Variants in FOXM1 observed in about 807,000 individuals in gnomAD.
FOXM1 encodes the protein forkhead box protein M1.
Under a neutral mutation model 63.6 loss-of-function variants are expected in FOXM1, and 25 were observed. The ratio of observed to expected loss-of-function variants is 0.39; its 90% CI spans 0.29 to 0.55. The LOEUF is 0.55. Among genes scored for constraint, FOXM1 ranks in the 20% least tolerant of loss-of-function variants. The pLI is 0.60. For missense variants in FOXM1, 879 were observed against 958.7 expected, an observed-to-expected ratio of 0.92 and a Z score of 1.10; for synonymous variants, 387 against 376.9, an observed-to-expected ratio of 1.03 and a Z score of -0.31.
In FOXM1 at chr12:2,859,440, T is replaced by C. The variant is rs1237999587; in HGVS notation, c.1490A>G (p.Glu497Gly). 1.2e-6 allele frequency: 2 copies of C among 1,614,038 alleles called. No homozygotes were observed. The highest frequency in any genetic ancestry group is 1.7e-6 in the Non-Finnish European group (2 of 1,180,008). ...WPSPAPSFKEESSHSWEDSSQ... is the reference protein window; with the variant it reads ...WPSPAPSFKEGSSHSWEDSSQ... ...CGAATCCTCCCAGGAGTGAGATGAT[T>C]CCTCTTTGAAAGATGGGGCCGGGGA... is the stretch of plus-strand genomic sequence containing the variant. Residue 497 changes from glutamate to glycine, a missense_variant, in exon 9 of 9, where the codon GAA becomes GGA. Physicochemically the swap from Glu to Gly is moderately conservative, Grantham distance 98. This residue lies in a region of FOXM1 where 486 missense variants were observed against 453.5 expected (regional missense o/e 1.07). Coordinates refer to ENST00000359843, the MANE Select transcript of FOXM1 (RefSeq NM_021953.4).
At chr12:2,869,629 G>C (rs1254332001) in intron 3 of FOXM1, among the ~76,000 whole-genome samples, 1 of 151,912 alleles carries the variant, frequency 6.6e-6, no homozygotes, top group African/African-American at 2.4e-5. Context: ...GTAGAGATGG[G>C]GTTTACCATA....
chr12:2,864,268 C>T lies in FOXM1; in HGVS notation c.1266+52G>A, dbSNP rs374114424. 1.1e-5 allele frequency: 17 copies of T among 1,510,344 alleles called. No individual in the cohort carries two copies. The African/African-American group carries it at 2.2e-4, about 20-fold the overall frequency. 93.6% of individuals were successfully genotyped at this position (1,510,344 alleles called of 1,614,324 possible). On this transcript the variant is annotated intron_variant, in intron 8 of 8. Coordinates refer to ENST00000359843, the MANE Select transcript of FOXM1 (RefSeq NM_021953.4). The surrounding 1 kb of genome is among the most constrained non-coding windows in gnomAD (Gnocchi z 5.1). Reference sequence around the variant, plus strand: ...CAGAGTGCTTTGCAAGCTGAAGGTCCAACATTCTTAATTGGCCAGAATCTC... The same window carrying T: ...CAGAGTGCTTTGCAAGCTGAAGGTCTAACATTCTTAATTGGCCAGAATCTC...
chr12:2,868,363 C>T lies in FOXM1; in HGVS notation c.846+200G>A, dbSNP rs374898822. 126 of 462,382 alleles carry T rather than the reference C, an allele frequency of 2.7e-4. 2 individuals are homozygous for T. In the South Asian group the frequency reaches 5.1e-3, roughly 19 times the overall value. The allele number at this position is 462,382 out of a possible 1,614,324, so 28.6% of individuals were successfully genotyped here. On this transcript the variant is annotated intron_variant, in intron 4 of 8. Coordinates refer to ENST00000359843, the MANE Select transcript of FOXM1 (RefSeq NM_021953.4). ...ACCCTCCATGGACTTTAGGTAGTAA[C>T]ACATGAAGTAGTTAAGGAGCTCTTC...
chr12:2,858,530 G>A lies in FOXM1; in HGVS notation c.*108C>T. On this transcript the variant is annotated 3_prime_UTR_variant, in exon 9 of 9. Transcript: ENST00000359843. ...TAATCAGGCAGCAGGGAGCTATGAG[G>A]AGCAGAACAGTCCCTGCCTGCTGTC... 7.5e-6 allele frequency: 7 copies of A among 928,528 alleles called. No individual in the cohort carries two copies. The highest frequency in any genetic ancestry group is 1.1e-5 in the Non-Finnish European group (7 of 623,664). 57.5% of individuals were successfully genotyped at this position (928,528 alleles called of 1,614,324 possible). A position where few individuals can be genotyped will look rare whatever the true frequency, so the allele number is the denominator to read the frequency against.
intron 5 of FOXM1, 117 bp from the exon 6 acceptor site, chr12:2,865,516 C>T (rs2098121552): frequency 1.1e-5 from 8 of 733,488 alleles, no homozygotes; most frequent in Non-Finnish European, 1.8e-5. Context: ...ACACCCCAGA[C>T]AACTGCCCCT....
Position 2,864,419 on chromosome 12 carries a change from C to T in FOXM1, c.1167G>A (p.Leu389=). ...VPIQFPVNQS[L]VLQPSVKVPL... ...GCACCTTCACCGAGGGCTGCAACAC[C>T]AGTGACTGGTTCACCGGGAACTGGA... The change falls in exon 8 of 9, where the codon CTG becomes CTA. Residue 389 remains leucine, a synonymous_variant. Transcript: ENST00000359843. This position sits in a 1 kb window ranked among gnomAD's most constrained non-coding sequence, Gnocchi z 5.1. The T allele has an allele frequency of 6.2e-7, 1 of 1,614,186 alleles. No homozygotes were observed. The highest frequency in any genetic ancestry group is 8.5e-7 in the Non-Finnish European group (1 of 1,180,012).
chr12:2,858,976 C>T lies in FOXM1; in HGVS notation c.1954G>A (p.Asp652Asn). 1 of 1,613,444 alleles carries T rather than the reference C, an allele frequency of 6.2e-7. No homozygotes were observed. The highest frequency in any genetic ancestry group is 8.5e-7 in the Non-Finnish European group (1 of 1,179,880). ...TSQGASDPLPDPLGLMDLSTT... is the reference protein window; with the variant it reads ...TSQGASDPLPNPLGLMDLSTT... ...CTGAGATCCATCAGCCCCAGGGGGT[C>T]AGGCAAGGGGTCAGAGGCACCCTGG... The change falls in exon 9 of 9, where the codon GAC (aspartate) becomes AAC (asparagine). Residue 652 changes from aspartate to asparagine, a missense_variant. By Grantham distance (23) the Asp-to-Asn change is conservative. Around this residue, in one of 4 missense-constraint regions of FOXM1, gnomAD observed 486 missense variants for 453.5 expected, o/e 1.07. Coordinates refer to ENST00000359843, the MANE Select transcript of FOXM1 (RefSeq NM_021953.4).
Position 2,863,223 on chromosome 12 carries a change from C to T in FOXM1, c.1266+1097G>A, listed in dbSNP as rs114104615. ...TCAGTGCACAGGACAGTCCCTCCCA[C>T]GCCCAACAAAGAATTCTCCAGCTGT... On this transcript the variant is annotated intron_variant, in intron 8 of 8. Transcript: ENST00000359843. Among the ~76,000 whole-genome samples the T allele has an allele frequency of 4.7e-3, 719 of 152,276 alleles. 4 individuals carry two copies. Among genetic ancestry groups the T allele is most frequent in the African/African-American group, 0.016 (680 of 41,536 alleles).
chr12:2,869,874 G>A (rs915450877), intron 3 of FOXM1, among the ~76,000 whole-genome samples: 4 of 150,088 alleles, frequency 2.7e-5, no homozygotes, highest in South Asian at 2.1e-4. Flanking sequence ...ATTGTCAGCC[G>A]CTATGCCCGG....
rs757604635 is a variant in FOXM1, at chr12:2,865,414, G to A, written c.976-15C>T. On this transcript the variant is annotated splice_polypyrimidine_tract_variant and intron_variant, in intron 5 of 8. Coordinates refer to ENST00000359843, the MANE Select transcript of FOXM1 (RefSeq NM_021953.4). ...GGGTCCAGTGGCTGGTGGCGGCCAG[G>A]CATTGTGGGAGAGAAATGAGATGAA... 3.1e-6 allele frequency: 5 copies of A among 1,607,850 alleles called. No individual in the cohort carries two copies. Among genetic ancestry groups the A allele is most frequent in the East Asian group, 2.2e-5 (1 of 44,534 alleles).
intron 3 of FOXM1, among the ~76,000 whole-genome samples, chr12:2,870,000 T>C (rs2098130213): frequency 6.6e-6 from 1 of 152,042 alleles, no homozygotes; most frequent in South Asian, 2.1e-4. Context: ...CACTTTTTTT[T>C]TTTTTTTGAG....
Position 2,865,378 on chromosome 12 carries a change from G to A in FOXM1, c.997C>T (p.Gln333Ter). 1 of 1,611,114 alleles carries A rather than the reference G, an allele frequency of 6.2e-7. No individual in the cohort carries two copies. Among genetic ancestry groups the A allele is most frequent in the Non-Finnish European group, 8.5e-7 (1 of 1,178,276 alleles). Residue 333 changes from glutamine (Q) to a stop codon, truncating the protein, a stop_gained, in exon 6 of 9, where the codon CAA (glutamine) becomes TAA (stop). Coordinates refer to ENST00000359843, the MANE Select transcript of FOXM1 (RefSeq NM_021953.4). LOFTEE classifies it high-confidence loss of function. ...ACTGATTCCAAGTGCTCGGGCAATT[G>A]TGGAGACCCTGGGTCCAGTGGCTGG... ...VFKPLDPGSP[Q>*]LPEHLESQQK... is the part of the protein sequence containing the mutation.
Position 2,858,948 on chromosome 12 carries a change from G to T in FOXM1, c.1982C>A (p.Thr661Asn). The change falls in exon 9 of 9, where the codon ACC becomes AAC. Residue 661 changes from threonine (T) to asparagine (N), a missense_variant. By Grantham distance (65) the Thr-to-Asn change is moderately conservative (BLOSUM62 0). This residue lies in a region of FOXM1 where 486 missense variants were observed against 453.5 expected (regional missense o/e 1.07). Transcript: ENST00000359843. ...PDPLGLMDLS[T>N]TPLQSAPPLE... Reference sequence around the variant, plus strand: ...GGGGGGAGCACTTTGCAAGGGAGTGGTGCTGAGATCCATCAGCCCCAGGGG... The same window carrying T: ...GGGGGGAGCACTTTGCAAGGGAGTGTTGCTGAGATCCATCAGCCCCAGGGG... The T allele has an allele frequency of 6.2e-7, 1 of 1,613,644 alleles. No individual in the cohort carries two copies. The highest frequency in any genetic ancestry group is 1.7e-5 in the Admixed American group (1 of 60,004).
Position 2,868,692 on chromosome 12 carries a change from G to A in FOXM1, c.717C>T (p.Tyr239=). Residue 239 remains tyrosine (Y), a synonymous_variant, in exon 4 of 9, where the codon TAC becomes TAT. Transcript: ENST00000359843. ...WQNSVSERPP[Y]SYMAMIQFAI... ...CGAATTGTATCATGGCCATGTAAGAGTAGGGTGGCCGCTCAGACACAGAGT... is the reference window on the plus strand; with the variant it reads ...CGAATTGTATCATGGCCATGTAAGAATAGGGTGGCCGCTCAGACACAGAGT... The A allele has an allele frequency of 1.2e-6, 2 of 1,613,962 alleles. No individual in the cohort carries two copies. The highest frequency in any genetic ancestry group is 8.5e-7 in the Non-Finnish European group (1 of 1,179,940).
rs571964066 is a variant in FOXM1, at chr12:2,875,617, C to T, written c.-47-1092G>A. On this transcript the variant is annotated intron_variant, in intron 1 of 8. Transcript: ENST00000359843. ...TTATATATATTTTAACTAAGCATGC[C>T]ACTTTATTAATTTCTTTTCCAGAAA... 9.5e-4 allele frequency among the ~76,000 whole-genome samples: 145 copies of T among 152,132 alleles called. 1 individual carries two copies. The highest frequency in any genetic ancestry group is 8.0e-3 in the Admixed American group (123 of 15,286).
chr12:2,872,354 A>G lies in FOXM1; in HGVS notation c.503-107T>C, dbSNP rs575180349. On this transcript the variant is annotated intron_variant, in intron 2 of 8. Coordinates refer to ENST00000359843, the MANE Select transcript of FOXM1 (RefSeq NM_021953.4). The surrounding 1 kb of genome is among the most constrained non-coding windows in gnomAD (Gnocchi z 4.0). ...GCCGGGTGCAGTGGCTCACACCTGTAATCCTAGCACTTTGGGAGGGCGAGG... is the reference window on the plus strand; with the variant it reads ...GCCGGGTGCAGTGGCTCACACCTGTGATCCTAGCACTTTGGGAGGGCGAGG... 17 of 1,183,864 alleles carry G rather than the reference A, an allele frequency of 1.4e-5. No individual in the cohort carries two copies. The South Asian group carries it at 2.0e-4, about 14-fold the overall frequency. 73.3% of individuals were successfully genotyped at this position (1,183,864 alleles called of 1,614,324 possible). A position where few individuals can be genotyped will look rare whatever the true frequency, so the allele number is the denominator to read the frequency against.
In FOXM1 at chr12:2,858,547, C is replaced by T; in HGVS notation, c.*91G>A. 1.8e-6 allele frequency: 2 copies of T among 1,131,918 alleles called. No individual in the cohort carries two copies. Among genetic ancestry groups the T allele is most frequent in the South Asian group, 1.5e-5 (1 of 66,042 alleles). The allele number at this position is 1,131,918 out of a possible 1,614,324, so 70.1% of individuals were successfully genotyped here. The stretch of plus-strand genomic sequence containing the variant: ...GCTATGAGGAGCAGAACAGTCCCTG[C>T]CTGCTGTCCTCACTCAGAGGCTTGG... On this transcript the variant is annotated 3_prime_UTR_variant, in exon 9 of 9. Coordinates refer to ENST00000359843, the MANE Select transcript of FOXM1 (RefSeq NM_021953.4).
chr12:2,868,861 A>G, intron 3 of FOXM1, 107 bp from the exon 4 acceptor site: 3 of 798,102 alleles, frequency 3.8e-6, no homozygotes, highest in South Asian at 2.0e-5. Flanking sequence ...AGGACGGTCT[A>G]GAAACAAACT....
chr12:2,869,504 C>T (rs1485824101), intron 3 of FOXM1, among the ~76,000 whole-genome samples: 3 of 151,028 alleles, frequency 2.0e-5, no homozygotes, highest in East Asian at 3.9e-4. Flanking sequence ...GGTACGATCT[C>T]GGCTCACTGC....
Sources: gnomAD v4.1 joint callset for allele counts (sites outside exome capture counted in the v4.1 genomes callset) on GRCh38, gnomAD v4.1.1 for gene constraint, gnomAD v4.1.1 regional missense constraint, Gnocchi (gnomAD v3.1) non-coding constraint, MANE v1.5 for transcripts, NCBI Gene and HGNC (gene_info 2026-07-23, HGNC 2026-07-21) for gene names.